The following KIAA1328 variants were observed in gnomAD, a reference collection of about 807,000 sequenced individuals.
KIAA1328 encodes KIAA1328.
Under a neutral mutation model 68.1 loss-of-function variants are expected in KIAA1328, and 52 were observed. That is an observed-to-expected ratio of 0.76 (90% confidence interval 0.61 to 0.96). The LOEUF (loss-of-function observed/expected upper bound fraction) is 0.96. KIAA1328 is among the 40% of genes least tolerant of loss of function. The probability of loss-of-function intolerance (pLI) is 0.00; values close to 1 mark genes in which losing one functional copy is unlikely to be tolerated. For synonymous variants in KIAA1328, 232 were observed against 239.4 expected, an observed-to-expected ratio of 0.97 and a Z score of 0.28; for missense variants, 641 against 677.6, an observed-to-expected ratio of 0.95 and a Z score of 0.60.
At chr18:37,031,779 GTTTAGT>G (rs780976151) in intron 6 of KIAA1328, among the ~76,000 whole-genome samples, 13 of 151,842 alleles carry the variant, frequency 8.6e-5, no homozygotes, top group Non-Finnish European at 1.3e-4. Flanking sequence ...TTAAATAATT[GTTTAGT>G]TTTAGTGTTT....
At chr18:36,910,104 G>A (rs1245859388) in intron 5 of KIAA1328, among the ~76,000 whole-genome samples, 1 of 152,134 alleles carries the variant, frequency 6.6e-6, no homozygotes, top group African/African-American at 2.4e-5. Flanking sequence ...TTCTTTTGCT[G>A]TGCAGAAGCT....
intron 5 of KIAA1328, among the ~76,000 whole-genome samples, chr18:36,914,269 A>C (rs1412166860): frequency 6.6e-6 from 1 of 152,204 alleles, no homozygotes; most frequent in Non-Finnish European, 1.5e-5. Flanking sequence ...GTGTTCCATA[A>C]GGGAAGGCGC....
intron 6 of KIAA1328, among the ~76,000 whole-genome samples, chr18:37,011,973 G>A (rs779378993): frequency 7.9e-5 from 12 of 151,974 alleles, no homozygotes; most frequent in Non-Finnish European, 1.8e-4. Context: ...AAAAAAAAAG[G>A]CCGCATTTTT....
At chr18:37,074,772 T>A (rs561720312) in intron 7 of KIAA1328, 162 of 162,950 alleles carry the variant, frequency 9.9e-4, no homozygotes, top group Middle Eastern at 5.6e-3. Context: ...TTTGATCATC[T>A]GAATCCTTCT....
chr18:37,098,756 G>C (rs959015716), intron 7 of KIAA1328, among the ~76,000 whole-genome samples: 1 of 152,154 alleles, frequency 6.6e-6, no homozygotes, highest in Non-Finnish European at 1.5e-5. Flanking sequence ...TTCAGAGCCT[G>C]TTATTTATCT....
chr18:37,138,650 G>T (rs981893653), intron 7 of KIAA1328, among the ~76,000 whole-genome samples: 1 of 151,808 alleles, frequency 6.6e-6, no homozygotes, highest in African/African-American at 2.4e-5. Context: ...TCCTCTTCTT[G>T]CAAGCTTCCT....
chr18:36,974,042 G>T (rs942895407), intron 6 of KIAA1328, among the ~76,000 whole-genome samples: 1 of 152,122 alleles, frequency 6.6e-6, no homozygotes, highest in Non-Finnish European at 1.5e-5. Context: ...ATTGGGCACA[G>T]TGGTCAAAAT....
In KIAA1328 at chr18:37,066,896, A is replaced by C; in HGVS notation, c.583A>C (p.Ser195Arg). The C allele has an allele frequency of 2.5e-6, 4 of 1,580,220 alleles. No individual in the cohort carries two copies. The highest frequency in any genetic ancestry group is 8.6e-7 in the Non-Finnish European group (1 of 1,163,458). Residue 195 changes from serine to arginine, a missense_variant, in exon 7 of 10, where the codon AGT becomes CGT. By Grantham distance (110) the Ser-to-Arg change is moderately radical. Coordinates refer to ENST00000280020, the MANE Select transcript of KIAA1328 (RefSeq NM_020776.3). ...ATCTTGTGGTTCTTTCTAGGTATCCAGTAGAAAAAGCACTCTCCAGTGTTC... is the reference window on the plus strand; with the variant it reads ...ATCTTGTGGTTCTTTCTAGGTATCCCGTAGAAAAAGCACTCTCCAGTGTTC... ...AARMQEQQVS[S>R]RKSTLQCSSV...
chr18:37,175,772 A>G (rs1599512391), intron 9 of KIAA1328, among the ~76,000 whole-genome samples: 2 of 152,174 alleles, frequency 1.3e-5, no homozygotes, highest in South Asian at 4.1e-4. Flanking sequence ...AGAAGAGCCT[A>G]TTGTTCTTTA....
chr18:36,886,553 A>C (rs945662169), intron 5 of KIAA1328: 1 of 151,828 alleles, frequency 6.6e-6, no homozygotes, highest in African/African-American at 2.4e-5. Flanking sequence ...TATTTGTAAG[A>C]AGATAAAGTA....
At chr18:37,066,526 A>C (rs1221080658) in intron 6 of KIAA1328, among the ~76,000 whole-genome samples, 1 of 152,220 alleles carries the variant, frequency 6.6e-6, no homozygotes, top group African/African-American at 2.4e-5. Context: ...TCCTTGGCTC[A>C]GTATTCAAAA....
chr18:37,225,285 T>C lies in KIAA1328; in HGVS notation c.*3058T>C, dbSNP rs1599645125. 1 of 985,440 alleles carries C rather than the reference T, an allele frequency of 1.0e-6. No homozygotes were observed. The highest frequency in any genetic ancestry group is 1.2e-6 in the Non-Finnish European group (1 of 829,920). The allele number at this position is 985,440 out of a possible 1,614,324, so 61.0% of individuals were successfully genotyped here. On this transcript the variant is annotated 3_prime_UTR_variant, in exon 10 of 10. Transcript: ENST00000280020. ...TTTTGAATATGAGCAAATGTTTATG[T>C]ACGTATGAGATTTCAAGTTAATAAA...
At chr18:36,889,677 A>G (rs1013938161) in intron 5 of KIAA1328, among the ~76,000 whole-genome samples, 4 of 152,166 alleles carry the variant, frequency 2.6e-5, no homozygotes, top group Non-Finnish European at 1.5e-5. Context: ...TTGGAATTTG[A>G]TAGATTCTTT....
At chr18:36,898,345 CT>C (rs951421983) in intron 5 of KIAA1328, among the ~76,000 whole-genome samples, 2 of 151,764 alleles carry the variant, frequency 1.3e-5, no homozygotes, top group African/African-American at 4.8e-5. Flanking sequence ...AGGAGCATCC[CT>C]TTTAATTTTC....
chr18:36,949,599 C>CCA (rs1556833399), intron 5 of KIAA1328, among the ~76,000 whole-genome samples: 7 of 109,136 alleles, frequency 6.4e-5, no homozygotes, highest in East Asian at 3.8e-4. Flanking sequence ...TACCCAGCTC[C>CCA]CCCCCCCCCA....
intron 7 of KIAA1328, among the ~76,000 whole-genome samples, chr18:37,130,155 A>T (rs1599372318): frequency 6.6e-6 from 1 of 152,192 alleles, no homozygotes; most frequent in African/African-American, 2.4e-5. Flanking sequence ...TGTGAGTTTT[A>T]TGTATAATAT....
At chr18:37,074,093 G>A (rs2056625862) in intron 7 of KIAA1328, among the ~76,000 whole-genome samples, 1 of 152,318 alleles carries the variant, frequency 6.6e-6, no homozygotes, top group Non-Finnish European at 1.5e-5. Flanking sequence ...GGGAAAATGA[G>A]ACCACAGTTT....
chr18:36,924,741 T>G (rs2050050671), intron 5 of KIAA1328, among the ~76,000 whole-genome samples: 1 of 152,072 alleles, frequency 6.6e-6, no homozygotes, highest in Non-Finnish European at 1.5e-5. Context: ...CAATATTTAT[T>G]AGGTATAGAA....
intron 4 of KIAA1328, among the ~76,000 whole-genome samples, chr18:36,872,772 G>T (rs1262306179): frequency 6.6e-6 from 1 of 152,202 alleles, no homozygotes; most frequent in Non-Finnish European, 1.5e-5. Flanking sequence ...TGGCATAGAT[G>T]TTGAAACAAT....
Sources: gnomAD v4.1 joint callset for allele counts (sites outside exome capture counted in the v4.1 genomes callset) on GRCh38, gnomAD v4.1.1 for gene constraint, MANE v1.5 for transcripts, NCBI Gene and HGNC (gene_info 2026-07-23, HGNC 2026-07-21) for gene names.